CDYL: variants seen among roughly 807,000 people sequenced by gnomAD.
CDYL encodes the protein chromodomain Y like.
A neutral mutation model predicts 47.3 loss-of-function variants in CDYL; 8 were observed. That is an observed-to-expected ratio of 0.17 (90% CI 0.10 to 0.31). CDYL has a LOEUF of 0.31. CDYL is among the 10% of genes least tolerant of loss of function. The pLI is 1.00. For missense variants in CDYL, 471 were observed against 701.4 expected (o/e 0.67, Z 3.71); for synonymous variants, 266 against 265.0 (o/e 1.00, Z -0.04).
intron 1 of CDYL, among the ~76,000 whole-genome samples, chr6:4,883,578 A>G (rs1561685581): frequency 2.0e-5 from 3 of 152,340 alleles, no homozygotes; most frequent in East Asian, 1.9e-4. Flanking sequence ...GGCAAACAGG[A>G]TAGATTGGAC....
intron 3 of CDYL, among the ~76,000 whole-genome samples, chr6:4,766,894 G>A (rs985974533): frequency 6.6e-6 from 1 of 151,932 alleles, no homozygotes; most frequent in Non-Finnish European, 1.5e-5. Flanking sequence ...TCAGCTACTT[G>A]GGGGGAGCTG....
At chr6:4,893,917 A>G (rs1266589322) in intron 2 of CDYL, among the ~76,000 whole-genome samples, 2 of 152,232 alleles carry the variant, frequency 1.3e-5, no homozygotes. Flanking sequence ...AAAGTGGAAT[A>G]TGAACTGAAA....
At chr6:4,797,152 A>G (rs1759094308) in intron 1 of CDYL, among the ~76,000 whole-genome samples, 1 of 151,746 alleles carries the variant, frequency 6.6e-6, no homozygotes, top group Non-Finnish European at 1.5e-5. Context: ...TCAGTGTACC[A>G]AAAATGAAAT....
At chr6:4,718,961 T>C (rs1222679744) in intron 2 of CDYL, among the ~76,000 whole-genome samples, 1 of 152,096 alleles carries the variant, frequency 6.6e-6, no homozygotes, top group African/African-American at 2.4e-5. Context: ...TTTGCTCTTG[T>C]TGCCCAGGCT....
At chr6:4,936,080 G>A (rs1030516556) in intron 3 of CDYL, among the ~76,000 whole-genome samples, 2 of 152,212 alleles carry the variant, frequency 1.3e-5, no homozygotes, top group African/African-American at 4.8e-5. Context: ...CATCTGGCGG[G>A]CACGGGGCTC....
intron 1 of CDYL, among the ~76,000 whole-genome samples, chr6:4,710,964 G>A (rs1208942029): frequency 6.6e-6 from 1 of 151,794 alleles, no homozygotes; most frequent in Non-Finnish European, 1.5e-5. Flanking sequence ...ACTGTCAGGA[G>A]ATGGATATGT....
intron 1 of CDYL, among the ~76,000 whole-genome samples, chr6:4,843,167 T>C (rs1760553010): frequency 6.6e-6 from 1 of 152,078 alleles, no homozygotes; most frequent in African/African-American, 2.4e-5. Context: ...GCTTGTAGGG[T>C]TTCTGCTGAG....
rs70974136 is a variant in CDYL at position 4,787,765 on chromosome 6, C to CTTTTTT, written c.24+10976_24+10981dup. On this transcript the variant is annotated intron_variant, in intron 1 of 6. Transcript: ENST00000397588. ...GGACAGGCTGCTCTGAAATTCAAGT[C>CTTTTTT]TTTTTTTTTTTTTTTTTTTTTTTGG... Among the ~76,000 whole-genome samples, 264 of 69,436 alleles carry CTTTTTT rather than the reference C, an allele frequency of 3.8e-3. 13 individuals are homozygous for CTTTTTT. The highest frequency in any genetic ancestry group is 0.014 in the African/African-American group (256 of 17,738). The allele number at this position is 69,436 out of a possible 152,430, so 45.6% of individuals were successfully genotyped here.
chr6:4,760,282 C>T (rs1427493553), intron 3 of CDYL, among the ~76,000 whole-genome samples: 2 of 151,408 alleles, frequency 1.3e-5, no homozygotes, highest in African/African-American at 4.9e-5. Context: ...AGGGTCGAAG[C>T]ACTGTTGTTT....
intron 3 of CDYL, among the ~76,000 whole-genome samples, chr6:4,735,905 T>TGG (rs56986849): frequency 4.9e-4 from 75 of 151,784 alleles, no homozygotes; most frequent in African/African-American, 1.7e-3. Context: ...GTGCACGTGA[T>TGG]GGGGGGGGGT....
intron 1 of CDYL, among the ~76,000 whole-genome samples, chr6:4,885,213 C>A (rs1246029503): frequency 6.6e-6 from 1 of 152,124 alleles, no homozygotes; most frequent in Non-Finnish European, 1.5e-5. Flanking sequence ...AGGCTGGCCT[C>A]AAACTGCTAG....
chr6:4,843,270 T>C (rs1204267364), intron 1 of CDYL, among the ~76,000 whole-genome samples: 3 of 152,196 alleles, frequency 2.0e-5, no homozygotes, highest in Non-Finnish European at 4.4e-5. Context: ...ATCTTAACTT[T>C]AGATAACCTG....
chr6:4,802,686 G>C (rs1251327427), intron 1 of CDYL, among the ~76,000 whole-genome samples: 1 of 152,100 alleles, frequency 6.6e-6, no homozygotes, highest in Non-Finnish European at 1.5e-5. Context: ...GTGTCTTTCT[G>C]TTGTGCTTTC....
At chr6:4,821,821 G>A (rs1759847374) in intron 1 of CDYL, among the ~76,000 whole-genome samples, 1 of 151,660 alleles carries the variant, frequency 6.6e-6, no homozygotes, top group African/African-American at 2.4e-5. Flanking sequence ...TCCTTTCAGA[G>A]TACATAGATT....
chr6:4,886,447 T>C (rs1761902619), intron 1 of CDYL, among the ~76,000 whole-genome samples: 1 of 152,208 alleles, frequency 6.6e-6, no homozygotes, highest in African/African-American at 2.4e-5. Context: ...CGCATTGTGG[T>C]TGTGATGTGC....
In CDYL at chr6:4,875,947, G is replaced by GT. The variant is rs1377864404; in HGVS notation, c.25-15759dup. ...TAACTGGAATTCCAGTTTGTTCATAGTTTTTTTCTTTTTATGTAAAATTTC... is the reference window on the plus strand; with the variant it reads ...TAACTGGAATTCCAGTTTGTTCATAGTTTTTTTTCTTTTTATGTAAAATTTC... On this transcript the variant is annotated intron_variant, in intron 1 of 6. Coordinates refer to ENST00000397588, the MANE Select transcript of CDYL (RefSeq NM_004824.4). Among the ~76,000 whole-genome samples the GT allele has an allele frequency of 2.6e-5, 4 of 152,232 alleles. No individual in the cohort carries two copies. The South Asian group carries it at 6.2e-4, about 24-fold the overall frequency.
chr6:4,896,126 G>A (rs1432616126), intron 2 of CDYL, among the ~76,000 whole-genome samples: 1 of 152,198 alleles, frequency 6.6e-6, no homozygotes, highest in Non-Finnish European at 1.5e-5. Flanking sequence ...AATAGAAGCT[G>A]TTAGGGAGCA....
At chr6:4,756,414 C>T (rs1007117417) in intron 3 of CDYL, among the ~76,000 whole-genome samples, 1 of 152,080 alleles carries the variant, frequency 6.6e-6, no homozygotes, top group Non-Finnish European at 1.5e-5. Flanking sequence ...AATAAATATC[C>T]TCCCACCTCT....
At chr6:4,841,960 TTAA>T (rs1035393682) in intron 1 of CDYL, among the ~76,000 whole-genome samples, 3 of 146,460 alleles carry the variant, frequency 2.0e-5, no homozygotes, top group African/African-American at 4.9e-5. Context: ...TGACTTTATA[TTAA>T]TATTATATTA....
Sources: gnomAD v4.1 joint callset for allele counts (sites outside exome capture counted in the v4.1 genomes callset) on GRCh38, gnomAD v4.1.1 for gene constraint, MANE v1.5 for transcripts, NCBI Gene and HGNC (gene_info 2026-07-23, HGNC 2026-07-21) for gene names.